Variants in DOK6 observed in about 807,000 individuals in gnomAD.
DOK6 encodes the protein docking protein 6, also known as downstream of tyrosine kinase 6.
In DOK6, 22 loss-of-function variants were observed where a neutral mutation model predicts 44.0. That is an observed-to-expected ratio of 0.50 (90% confidence interval 0.36 to 0.71). The LOEUF (loss-of-function observed/expected upper bound fraction) is 0.71, where lower values mean the gene tolerates loss of function less well. Among genes scored for constraint, DOK6 ranks in the 30% least tolerant of loss-of-function variants. DOK6 has a pLI of 0.00. For missense variants in DOK6, 340 were observed against 416.4 expected (o/e 0.82, Z 1.60); for synonymous variants, 166 against 145.5 (o/e 1.14, Z -1.01).
chr18:69,553,490 G>T (rs570126571), intron 1 of DOK6, among the ~76,000 whole-genome samples: 5 of 152,166 alleles, frequency 3.3e-5, no homozygotes, highest in Non-Finnish European at 7.4e-5. Flanking sequence ...TTTGGAGACA[G>T]ACAAATGCAT....
At chr18:69,689,704 A>C (rs2144695144) in intron 4 of DOK6, among the ~76,000 whole-genome samples, 1 of 152,266 alleles carries the variant, frequency 6.6e-6, no homozygotes, top group Admixed American at 6.5e-5. Context: ...TTTATATAGG[A>C]GAATATAGTA....
chr18:69,786,560 A>G (rs1203097517), intron 7 of DOK6, among the ~76,000 whole-genome samples: 1 of 152,216 alleles, frequency 6.6e-6, no homozygotes, highest in Non-Finnish European at 1.5e-5. Context: ...GAACTTAAAC[A>G]CAAGAGAATC....
intron 6 of DOK6, among the ~76,000 whole-genome samples, chr18:69,747,542 G>A (rs1022951969): frequency 1.1e-4 from 16 of 151,986 alleles, no homozygotes; most frequent in Admixed American, 9.8e-4. Context: ...CAAGGGATAA[G>A]GGTAGAATGT....
At chr18:69,705,966 G>C (rs1986624004) in intron 5 of DOK6, among the ~76,000 whole-genome samples, 1 of 150,594 alleles carries the variant, frequency 6.6e-6, no homozygotes, top group African/African-American at 2.4e-5. Flanking sequence ...ACTGCAGACA[G>C]AGGGAGAATA....
At chr18:69,628,845 C>T (rs894661371) in intron 3 of DOK6, among the ~76,000 whole-genome samples, 3 of 152,058 alleles carry the variant, frequency 2.0e-5, no homozygotes, top group Non-Finnish European at 4.4e-5. Flanking sequence ...GTGGGAAAGG[C>T]TTGTTGATGG....
At chr18:69,665,413 C>T (rs1027696178) in intron 3 of DOK6, among the ~76,000 whole-genome samples, 1 of 152,066 alleles carries the variant, frequency 6.6e-6, no homozygotes, top group Non-Finnish European at 1.5e-5. Flanking sequence ...ATTATTTGTA[C>T]CTAATTATAG....
chr18:69,553,793 T>C (rs559113092), intron 1 of DOK6, among the ~76,000 whole-genome samples: 1 of 152,318 alleles, frequency 6.6e-6, no homozygotes, highest in South Asian at 2.1e-4. Flanking sequence ...ACTAAAGATG[T>C]TGGGGCTCCT....
chr18:69,408,436 T>C, intron 1 of DOK6, among the ~76,000 whole-genome samples: 1 of 122,514 alleles, frequency 8.2e-6, no homozygotes, highest in Non-Finnish European at 1.8e-5. Context: ...TAACCTCTCC[T>C]TTCAAAAAAA....
At chr18:69,725,198 C>A (rs987851196) in intron 5 of DOK6, among the ~76,000 whole-genome samples, 2 of 152,166 alleles carry the variant, frequency 1.3e-5, no homozygotes, top group East Asian at 1.9e-4. Context: ...TCCAAACAAG[C>A]GTCAGAATCT....
intron 7 of DOK6, among the ~76,000 whole-genome samples, chr18:69,798,822 C>T (rs1355984421): frequency 6.6e-6 from 1 of 151,810 alleles, no homozygotes; most frequent in Non-Finnish European, 1.5e-5. Flanking sequence ...AGCATTTTCA[C>T]TTCATGATCT....
chr18:69,758,874 T>C lies in DOK6; in HGVS notation c.856+1001T>C, dbSNP rs2053199. Among the ~76,000 whole-genome samples, 1,455 of 149,280 alleles carry C rather than the reference T, an allele frequency of 9.7e-3. 67 individuals carry two copies. The highest frequency in any genetic ancestry group is 0.09 in the East Asian group (450 of 5,026). ...CTGTAAGTTTTGACAAAAAGAAATATTTCCGTTGCAAGCAAACTGAAGTAA... is the reference window on the plus strand; with the variant it reads ...CTGTAAGTTTTGACAAAAAGAAATACTTCCGTTGCAAGCAAACTGAAGTAA... On this transcript the variant is annotated intron_variant, in intron 7 of 7. Coordinates refer to ENST00000382713, the MANE Select transcript of DOK6 (RefSeq NM_152721.6).
Sources: gnomAD v4.1 joint callset for allele counts (sites outside exome capture counted in the v4.1 genomes callset) on GRCh38, gnomAD v4.1.1 for gene constraint, MANE v1.5 for transcripts, NCBI Gene and HGNC (gene_info 2026-07-23, HGNC 2026-07-21) for gene names.